The following PRKG2 variants were observed in gnomAD, a reference collection of about 807,000 sequenced individuals.
PRKG2 encodes cGMP-dependent protein kinase 2.
Under a neutral mutation model 97.2 loss-of-function variants are expected in PRKG2, and 33 were observed. That is an observed-to-expected ratio of 0.34 (90% CI 0.26 to 0.45). The LOEUF (loss-of-function observed/expected upper bound fraction) is 0.45, where lower values mean the gene tolerates loss of function less well. Among genes scored for constraint, PRKG2 ranks in the 20% least tolerant of loss-of-function variants. The probability of loss-of-function intolerance (pLI) is 1.00; values close to 1 mark genes in which losing one functional copy is unlikely to be tolerated. For synonymous variants in PRKG2, 330 were observed against 321.8 expected (o/e 1.03, Z -0.27); for missense variants, 638 against 900.0 (o/e 0.71, Z 3.73).
At chr4:81,183,440 G>A (rs1219313005) in intron 2 of PRKG2, among the ~76,000 whole-genome samples, 1 of 152,102 alleles carries the variant, frequency 6.6e-6, no homozygotes, top group African/African-American at 2.4e-5. Flanking sequence ...TGCACCATGA[G>A]GAATGGTGTA....
At chr4:81,147,931 A>G (rs1257874906) in intron 9 of PRKG2, among the ~76,000 whole-genome samples, 2 of 152,168 alleles carry the variant, frequency 1.3e-5, no homozygotes, top group African/African-American at 4.8e-5. Flanking sequence ...GTGTGGAGAT[A>G]GCAGGAAGTG....
At chr4:81,112,011 A>C (rs1744040860) in intron 14 of PRKG2, among the ~76,000 whole-genome samples, 1 of 152,194 alleles carries the variant, frequency 6.6e-6, no homozygotes, top group South Asian at 2.1e-4. Context: ...ATAAGCCCTC[A>C]TCTAAAAAAA....
intron 14 of PRKG2, among the ~76,000 whole-genome samples, chr4:81,133,637 A>G (rs1215685576): frequency 6.6e-6 from 1 of 152,164 alleles, no homozygotes; most frequent in Non-Finnish European, 1.5e-5. Flanking sequence ...TTCAAGGTAC[A>G]TAGTTTAATT....
intron 17 of PRKG2, among the ~76,000 whole-genome samples, chr4:81,094,949 G>C (rs1741973329): frequency 6.6e-6 from 1 of 152,162 alleles, no homozygotes; most frequent in Non-Finnish European, 1.5e-5. Context: ...CTGCTTTAGA[G>C]ATAAAGAAAG....
intron 14 of PRKG2, among the ~76,000 whole-genome samples, chr4:81,131,247 C>G (rs1746148542): frequency 6.7e-6 from 1 of 150,282 alleles, no homozygotes; most frequent in African/African-American, 2.5e-5. Context: ...AGGGAGTTCC[C>G]CAACCCCTTG....
chr4:81,163,389 C>T (rs1409001268), intron 6 of PRKG2, among the ~76,000 whole-genome samples: 1 of 152,108 alleles, frequency 6.6e-6, no homozygotes, highest in East Asian at 1.9e-4. Flanking sequence ...AAGCCATAGA[C>T]CCTATCCTGC....
At chr4:81,096,428 C>A (rs1742121734) in intron 17 of PRKG2, among the ~76,000 whole-genome samples, 1 of 152,032 alleles carries the variant, frequency 6.6e-6, no homozygotes, top group African/African-American at 2.4e-5. Flanking sequence ...TCCAGCTACT[C>A]AGGAGGCTAA....
chr4:81,163,903 C>T (rs192093177), intron 6 of PRKG2, among the ~76,000 whole-genome samples: 13 of 147,604 alleles, frequency 8.8e-5, no homozygotes, highest in African/African-American at 2.8e-4. Context: ...CACACACACA[C>T]CTCTGTGCAT....
chr4:81,123,878 AT>A, intron 14 of PRKG2, among the ~76,000 whole-genome samples: 3 of 152,294 alleles, frequency 2.0e-5, no homozygotes, highest in Admixed American at 2.0e-4. Flanking sequence ...CAAAAAAAGA[AT>A]TTGATCCTTC....
chr4:81,158,905 C>A (rs1749357454), intron 6 of PRKG2, among the ~76,000 whole-genome samples: 1 of 150,054 alleles, frequency 6.7e-6, no homozygotes, highest in African/African-American at 2.5e-5. Context: ...ATGTAGAAAG[C>A]TGAAACTGGA....
intron 3 of PRKG2, 74 bp downstream of exon 3, chr4:81,174,719 T>A: frequency 7.0e-7 from 1 of 1,419,866 alleles, no homozygotes; most frequent in Non-Finnish European, 9.6e-7. Context: ...AGTTTTATGT[T>A]TTTATAAATG....
intron 2 of PRKG2, chr4:81,175,680 C>T (rs1030328512): frequency 5.9e-5 from 9 of 152,294 alleles, no homozygotes; most frequent in Admixed American, 3.3e-4. Flanking sequence ...ACAGAACTGA[C>T]ATTTCCAATC....
chr4:81,108,042 T>C (rs1283954736), intron 15 of PRKG2, among the ~76,000 whole-genome samples: 3 of 151,780 alleles, frequency 2.0e-5, no homozygotes, highest in African/African-American at 7.3e-5. Context: ...CTGTCTCTAC[T>C]AAAAATACAA....
chr4:81,153,451 T>G (rs1748619554), intron 7 of PRKG2, 193 bp downstream of exon 7: 1 of 492,748 alleles, frequency 2.0e-6, no homozygotes, highest in African/African-American at 2.0e-5. Flanking sequence ...AAGAAGTTAT[T>G]ATTTCTTAGG....
chr4:81,126,288 T>G (rs1745545395), intron 14 of PRKG2, among the ~76,000 whole-genome samples: 1 of 152,212 alleles, frequency 6.6e-6, no homozygotes, highest in African/African-American at 2.4e-5. Flanking sequence ...TGATGGGCAT[T>G]TGAATTGGTT....
chr4:81,137,428 G>A lies in PRKG2; in HGVS notation c.1599C>T (p.Cys533=). 1 of 1,612,752 alleles carries A rather than the reference G, an allele frequency of 6.2e-7. No homozygotes were observed. Among genetic ancestry groups the A allele is most frequent in the Non-Finnish European group, 8.5e-7 (1 of 1,178,874 alleles). ...ATATACTCCAGAGCTCCCCACCTAA[G>A]CAGGCCTCCAGAAGCATGTATACAT... ...NKYVYMLLEA[C]LGGELWSILR... The change falls in exon 13 of 19, where the codon TGC becomes TGT. Residue 533 remains cysteine (C), a synonymous_variant. Transcript: ENST00000264399.
Position 81,088,859 on chromosome 4 carries a change from T to G in PRKG2, c.*849A>C, listed in dbSNP as rs1741293572. The stretch of plus-strand genomic sequence containing the variant: ...CTTACCTACTAGAATATATTTTCCT[T>G]TCTATTTACTGGGAGGCAAAAGCCT... On this transcript the variant is annotated 3_prime_UTR_variant, in exon 19 of 19. Transcript: ENST00000264399. The G allele has an allele frequency of 6.6e-6, 1 of 152,200 alleles. No homozygotes were observed. Among genetic ancestry groups the G allele is most frequent in the South Asian group, 2.1e-4 (1 of 4,830 alleles). 9.4% of individuals were successfully genotyped at this position (152,200 alleles called of 1,614,324 possible).
chr4:81,153,439 C>G (rs1748618209), intron 7 of PRKG2: 2 of 481,392 alleles, frequency 4.2e-6, no homozygotes, highest in Non-Finnish European at 7.4e-6. Flanking sequence ...CATAACATCA[C>G]TAAGAAGTTA....
intron 2 of PRKG2, among the ~76,000 whole-genome samples, chr4:81,181,943 T>A (rs912018464): frequency 4.4e-4 from 67 of 151,670 alleles, no homozygotes; most frequent in African/African-American, 1.4e-3. Context: ...AAATAGAAAA[T>A]CTGATTAGCA....
Sources: gnomAD v4.1 joint callset for allele counts (sites outside exome capture counted in the v4.1 genomes callset) on GRCh38, gnomAD v4.1.1 for gene constraint, MANE v1.5 for transcripts, NCBI Gene and HGNC (gene_info 2026-07-23, HGNC 2026-07-21) for gene names.